The following RAD50 variants were observed in gnomAD, a reference collection of about 807,000 sequenced individuals.
RAD50 encodes the protein DNA repair protein RAD50.
Under a neutral mutation model 168.8 loss-of-function variants are expected in RAD50, and 132 were observed. The observed-to-expected ratio is 0.78, with a 90% CI of 0.68 to 0.90. The LOEUF is 0.90. Ranked by LOEUF, RAD50 falls within the 40% of genes least tolerant of loss-of-function variation. The pLI is 0.00. For synonymous variants in RAD50, 525 were observed against 497.4 expected (o/e 1.06, Z -0.74); for missense variants, 1,347 against 1,534.4 (o/e 0.88, Z 2.04).
Position 132,587,670 on chromosome 5 carries a change from C to T in RAD50, c.865C>T (p.Leu289=), listed in dbSNP as rs1580991931. Residue 289 remains leucine (L), a synonymous_variant, in exon 6 of 25, where the codon CTG becomes TTG. Transcript: ENST00000378823. ...KKQMEKDNSE[L]EEKMEKVFQG... ...GCAAATGGAGAAAGATAATAGTGAA[C>T]TGGAAGAGAAAATGGAAAAGGTTTG... The T allele has an allele frequency of 6.2e-7, 1 of 1,613,588 alleles. No individual in the cohort carries two copies. The highest frequency in any genetic ancestry group is 1.3e-5 in the African/African-American group (1 of 74,962).
rs587780151 is a variant in RAD50 at position 132,594,913 on chromosome 5, A to G, written c.1838A>G (p.Asn613Ser). The G allele has an allele frequency of 6.2e-7, 1 of 1,607,270 alleles. No individual in the cohort carries two copies. The highest frequency in any genetic ancestry group is 1.7e-4 in the Middle Eastern group (1 of 6,048). Residue 613 changes from asparagine to serine, a missense_variant, in exon 12 of 25, where the codon AAT becomes AGT. Around this residue, in one of 3 missense-constraint regions of RAD50, gnomAD observed 703 missense variants for 767.7 expected, o/e 0.92. Coordinates refer to ENST00000378823, the MANE Select transcript of RAD50 (RefSeq NM_005732.4). The stretch of plus-strand genomic sequence containing the variant: ...GAGCAGAATAAAAATCATATAAATA[A>G]TGAACTAAAAAGAAAGGAAGAGCAG... ...SSEQNKNHIN[N>S]ELKRKEEQLS...
rs863224406 is a variant in RAD50, at chr5:132,588,681, T to C, written c.1052-6T>C. The C allele has an allele frequency of 3.7e-6, 6 of 1,607,488 alleles. No homozygotes were observed. In the African/African-American group the frequency reaches 8.1e-5, roughly 22 times the overall value. ...AAAAAAAATTATGAGATTTTTTTTT[T>C]AAAAGGTCGTCTACAGCTGCAAGCA... On this transcript the variant is annotated splice_polypyrimidine_tract_variant and splice_region_variant and intron_variant, in intron 7 of 24. Coordinates refer to ENST00000378823, the MANE Select transcript of RAD50 (RefSeq NM_005732.4).
At chr5:132,633,223 G>C (rs1311813101) in intron 21 of RAD50, among the ~76,000 whole-genome samples, 1 of 149,104 alleles carries the variant, frequency 6.7e-6, no homozygotes, top group African/African-American at 2.5e-5. Flanking sequence ...TCCTGCCTCA[G>C]CCTCCCGAGT....
rs1314898851 is a variant in RAD50 at position 132,587,465 on chromosome 5, T to TAA, written c.757-96_757-95insAA. On this transcript the variant is annotated intron_variant, in intron 5 of 24. Coordinates refer to ENST00000378823, the MANE Select transcript of RAD50 (RefSeq NM_005732.4). ...TGTTAGCCTTAAATGAGATCACTTT[T>TAA]ACTAAATGCCTGGACCTGGAGTATC... The TAA allele has an allele frequency of 2.7e-5, 41 of 1,521,888 alleles. No homozygotes were observed. In the African/African-American group the frequency reaches 5.4e-4, roughly 20 times the overall value. The allele number at this position is 1,521,888 out of a possible 1,614,324, so 94.3% of individuals were successfully genotyped here.
chr5:132,618,099 A>C lies in RAD50; in HGVS notation c.3194A>C (p.Asp1065Ala). 6.2e-7 allele frequency: 1 copy of C among 1,613,620 alleles called. No homozygotes were observed. Among genetic ancestry groups the C allele is most frequent in the Non-Finnish European group, 8.5e-7 (1 of 1,179,702 alleles). The stretch of plus-strand genomic sequence containing the variant: ...CATCAGAAGTTGGAAGAGAACATAG[A>C]CAATATAAAAAGAAATCATAATTTG... The part of the protein sequence containing the change: ...SEHQKLEENI[D>A]NIKRNHNLAL... Residue 1065 changes from aspartate to alanine, a missense_variant, in exon 21 of 25, where the codon GAC becomes GCC. Physicochemically the swap from Asp to Ala is moderately radical, Grantham distance 126. Coordinates refer to ENST00000378823, the MANE Select transcript of RAD50 (RefSeq NM_005732.4).
chr5:132,621,066 G>A (rs1651653513), intron 21 of RAD50, among the ~76,000 whole-genome samples: 1 of 152,078 alleles, frequency 6.6e-6, no homozygotes, highest in Admixed American at 6.5e-5. Flanking sequence ...AGGATCGGTT[G>A]TATTCTACTT....
chr5:132,593,277 T>G lies in RAD50; in HGVS notation c.1793+1243T>G, dbSNP rs115092885. 4.1e-3 allele frequency: 678 copies of G among 166,598 alleles called. 2 individuals carry two copies. Among genetic ancestry groups the G allele is most frequent in the African/African-American group, 0.015 (638 of 42,240 alleles). 10.3% of individuals were successfully genotyped at this position (166,598 alleles called of 1,614,324 possible). On this transcript the variant is annotated intron_variant, in intron 11 of 24. Coordinates refer to ENST00000378823, the MANE Select transcript of RAD50 (RefSeq NM_005732.4). ...TTGGGGCTCTTTTCAAACTGATGTC[T>G]TAACCTTGTTAGTGCCTTAAACTAG...
rs138536425 is a variant in RAD50, at chr5:132,598,897, C to T, written c.2207+3087C>T. ...AGTGGTCACAGAAACTCCCAAGATT[C>T]AGTGAGGGAGGATACTGTATCTCTT... is the stretch of plus-strand genomic sequence containing the variant. On this transcript the variant is annotated intron_variant, in intron 13 of 24. Transcript: ENST00000378823. Among the ~76,000 whole-genome samples the T allele has an allele frequency of 1.5e-3, 231 of 152,288 alleles. 3 individuals are homozygous for T. The highest frequency in any genetic ancestry group is 9.4e-4 in the Non-Finnish European group (64 of 68,022).
chr5:132,638,876 C>T (rs558829423), intron 23 of RAD50, among the ~76,000 whole-genome samples: 1 of 152,344 alleles, frequency 6.6e-6, no homozygotes, highest in Admixed American at 6.5e-5. Flanking sequence ...CTGGATCCTT[C>T]ACTGTGCACA....
intron 21 of RAD50, among the ~76,000 whole-genome samples, chr5:132,633,098 C>CTTTTTTTTTTTTT (rs34616055): frequency 4.7e-4 from 53 of 113,038 alleles, no homozygotes; most frequent in Middle Eastern, 5.3e-3. Flanking sequence ...TTCGTTTTTT[C>CTTTTTTTTTTTTT]TTTTTTTTTT....
chr5:132,583,433 G>A (rs1750539174), intron 5 of RAD50, among the ~76,000 whole-genome samples: 1 of 152,008 alleles, frequency 6.6e-6, no homozygotes, highest in South Asian at 2.1e-4. Context: ...TAAATTCTAT[G>A]AGTTAGGACA....
chr5:132,613,684 A>G (rs1487682408), intron 19 of RAD50, among the ~76,000 whole-genome samples: 1 of 149,772 alleles, frequency 6.7e-6, no homozygotes, highest in Admixed American at 6.7e-5. Flanking sequence ...GCTCACTGCA[A>G]CATTCGCCTC....
chr5:132,573,398 A>G (rs895990392), intron 2 of RAD50, among the ~76,000 whole-genome samples: 3 of 152,098 alleles, frequency 2.0e-5, no homozygotes, highest in Admixed American at 2.0e-4. Flanking sequence ...TATAATGACC[A>G]TCAGATCTCG....
chr5:132,603,516 A>C, intron 14 of RAD50, 27 bp downstream of exon 14: 1 of 1,601,286 alleles, frequency 6.2e-7, no homozygotes, highest in South Asian at 1.1e-5. Flanking sequence ...TTAAGGCAGA[A>C]TAAAACTTGT....
chr5:132,590,600 A>G (rs1485663089), intron 9 of RAD50, among the ~76,000 whole-genome samples: 1 of 152,200 alleles, frequency 6.6e-6, no homozygotes, highest in Non-Finnish European at 1.5e-5. Flanking sequence ...TTTCTTAGCC[A>G]ATCTTTTCAG....
intron 5 of RAD50, among the ~76,000 whole-genome samples, chr5:132,584,052 AT>A (rs1190192624): frequency 6.6e-6 from 1 of 151,994 alleles, no homozygotes; most frequent in East Asian, 1.9e-4. Context: ...ATGTATTATA[AT>A]TTTTTTCCTC....
intron 5 of RAD50, among the ~76,000 whole-genome samples, chr5:132,580,511 C>A (rs572024690): frequency 6.6e-6 from 1 of 152,284 alleles, no homozygotes; most frequent in South Asian, 2.1e-4. Flanking sequence ...TATCATTACC[C>A]AACCTTACAG....
chr5:132,557,446 G>A lies in RAD50; in HGVS notation c.122G>A (p.Gly41Glu), dbSNP rs1473775948. 1.2e-6 allele frequency: 2 copies of A among 1,614,138 alleles called. No individual in the cohort carries two copies. The highest frequency in any genetic ancestry group is 1.7e-6 in the Non-Finnish European group (2 of 1,179,960). The change falls in exon 1 of 25, where the codon GGA becomes GAA. Residue 41 changes from glycine to glutamate, a missense_variant. Physicochemically the swap from Gly to Glu is moderately conservative, Grantham distance 98. Transcript: ENST00000378823. The stretch of plus-strand genomic sequence containing the variant: ...ATTTTGGTTGGACCCAATGGGGCGG[G>A]AAAGACGGTAAGTCTTCAGTAGCCG... ...LTILVGPNGAGKTTIIECLKY... is the reference protein window; with the variant it reads ...LTILVGPNGAEKTTIIECLKY...
Position 132,604,351 on chromosome 5 carries a change from C to T in RAD50, c.2524+305C>T, listed in dbSNP as rs189549295. 3.7e-3 allele frequency among the ~76,000 whole-genome samples: 565 copies of T among 151,904 alleles called. 6 individuals carry two copies. The highest frequency in any genetic ancestry group is 0.013 in the African/African-American group (548 of 41,390). ...TGCAATCTTGGCTCACTGCAACCTCCGCCTCCCGGGTTCAAGTGATTCTCC... is the reference window on the plus strand; with the variant it reads ...TGCAATCTTGGCTCACTGCAACCTCTGCCTCCCGGGTTCAAGTGATTCTCC... On this transcript the variant is annotated intron_variant, in intron 15 of 24. Transcript: ENST00000378823.
Sources: allele counts gnomAD v4.1 joint callset (sites outside exome capture counted in the v4.1 genomes callset), GRCh38; gene constraint gnomAD v4.1.1; regional missense constraint gnomAD v4.1.1; transcripts MANE v1.5; gene names NCBI Gene and HGNC (gene_info 2026-07-23, HGNC 2026-07-21).